The following KCNIP4 variants were observed in gnomAD, a reference collection of about 807,000 sequenced individuals.
KCNIP4 encodes Kv channel-interacting protein 4.
In KCNIP4, 12 loss-of-function variants were observed where a neutral mutation model predicts 34.0. That is an observed-to-expected ratio of 0.35 (90% CI 0.23 to 0.57). The LOEUF is 0.57. Among genes scored for constraint, KCNIP4 ranks in the 20% least tolerant of loss-of-function variants. The pLI is 0.83. For missense variants in KCNIP4, 238 were observed against 311.7 expected, an observed-to-expected ratio of 0.76 and a Z score of 1.78; for synonymous variants, 124 against 102.2, an observed-to-expected ratio of 1.21 and a Z score of -1.29.
chr4:21,208,608 C>T (rs1757015823), intron 1 of KCNIP4, among the ~76,000 whole-genome samples: 1 of 151,986 alleles, frequency 6.6e-6, no homozygotes, highest in Admixed American at 6.6e-5. Context: ...GTCTTTTTTT[C>T]CCCTTCTGCT....
chr4:21,001,499 T>C (rs536643020), intron 1 of KCNIP4, among the ~76,000 whole-genome samples: 1 of 152,280 alleles, frequency 6.6e-6, no homozygotes, highest in East Asian at 1.9e-4. Flanking sequence ...CCCTGCCTAA[T>C]AGAGGAAGGT....
chr4:20,857,027 A>T (rs1721654823), intron 2 of KCNIP4, among the ~76,000 whole-genome samples: 1 of 149,618 alleles, frequency 6.7e-6, no homozygotes, highest in African/African-American at 2.5e-5. Context: ...TGATAGGATG[A>T]TCATCACATG....
chr4:21,153,002 T>C (rs1377211186), intron 1 of KCNIP4, among the ~76,000 whole-genome samples: 1 of 152,178 alleles, frequency 6.6e-6, no homozygotes. Flanking sequence ...CATTCTTTAA[T>C]TTTACAATGG....
At chr4:21,121,949 A>G (rs1750194317) in intron 1 of KCNIP4, among the ~76,000 whole-genome samples, 1 of 152,242 alleles carries the variant, frequency 6.6e-6, no homozygotes, top group South Asian at 2.1e-4. Context: ...ATTTATCAAG[A>G]GGATGAAGTA....
chr4:21,235,110 T>G (rs553549419), intron 1 of KCNIP4, among the ~76,000 whole-genome samples: 2 of 152,298 alleles, frequency 1.3e-5, no homozygotes, highest in East Asian at 3.9e-4. Flanking sequence ...AATCCGTAAC[T>G]AAACATATTT....
chr4:21,308,496 G>A (rs1003325813), intron 1 of KCNIP4, among the ~76,000 whole-genome samples: 3 of 152,112 alleles, frequency 2.0e-5, no homozygotes, highest in Non-Finnish European at 4.4e-5. Flanking sequence ...ACATCCCAAA[G>A]CATCTGAAGC....
chr4:21,352,798 C>T (rs1718151858), intron 1 of KCNIP4, among the ~76,000 whole-genome samples: 1 of 152,190 alleles, frequency 6.6e-6, no homozygotes, highest in African/African-American at 2.4e-5. Context: ...AGCATTTGAG[C>T]TCTGAGAACA....
intron 1 of KCNIP4, among the ~76,000 whole-genome samples, chr4:21,476,570 A>C (rs1465627128): frequency 6.6e-6 from 1 of 152,212 alleles, no homozygotes; most frequent in Non-Finnish European, 1.5e-5. Context: ...TACACCGTCC[A>C]GAACTGTGAG....
intron 1 of KCNIP4, among the ~76,000 whole-genome samples, chr4:21,230,927 A>C (rs1758743685): frequency 6.6e-6 from 1 of 152,134 alleles, no homozygotes; most frequent in Non-Finnish European, 1.5e-5. Flanking sequence ...TAGGTCTTTG[A>C]GGAATCGCCA....
intron 1 of KCNIP4, among the ~76,000 whole-genome samples, chr4:21,239,225 C>A (rs1477834145): frequency 6.9e-6 from 1 of 144,360 alleles, no homozygotes; most frequent in Non-Finnish European, 1.5e-5. Context: ...AAAATTAATT[C>A]AAGATGGATT....
intron 1 of KCNIP4, chr4:21,847,898 C>T (rs1724128619): frequency 6.6e-6 from 1 of 151,940 alleles, no homozygotes; most frequent in African/African-American, 2.4e-5. Flanking sequence ...TGGTCATTAT[C>T]CCTTCACTAG....
chr4:21,327,366 G>T (rs956038592), intron 1 of KCNIP4, among the ~76,000 whole-genome samples: 2 of 152,064 alleles, frequency 1.3e-5, no homozygotes, highest in African/African-American at 4.8e-5. Context: ...AACATGTCAT[G>T]CCAATCTCTC....
intron 1 of KCNIP4, among the ~76,000 whole-genome samples, chr4:21,535,053 C>T (rs535604869): frequency 5.8e-4 from 88 of 152,144 alleles, no homozygotes; most frequent in African/African-American, 2.0e-3. Flanking sequence ...TTCCACTCCA[C>T]TCTACTCCAT....
At chr4:21,545,054 T>C (rs1738021762) in intron 1 of KCNIP4, among the ~76,000 whole-genome samples, 1 of 152,128 alleles carries the variant, frequency 6.6e-6, no homozygotes, top group Non-Finnish European at 1.5e-5. Flanking sequence ...CAGCACAAGA[T>C]ATACATCAAA....
At chr4:20,953,554 C>T (rs1732999995) in intron 1 of KCNIP4, among the ~76,000 whole-genome samples, 1 of 152,002 alleles carries the variant, frequency 6.6e-6, no homozygotes. Context: ...TGATGGTGGA[C>T]ATCTGTGGTC....
chr4:20,778,784 T>C (rs564196224), intron 3 of KCNIP4, among the ~76,000 whole-genome samples: 2 of 152,180 alleles, frequency 1.3e-5, no homozygotes, highest in African/African-American at 2.4e-5. Context: ...AGGGGTTATA[T>C]AGACTGAACT....
At chr4:21,037,982 T>C in intron 1 of KCNIP4, among the ~76,000 whole-genome samples, 1 of 151,488 alleles carries the variant, frequency 6.6e-6, no homozygotes, top group African/African-American at 2.4e-5. Context: ...TTTGTTTGTT[T>C]TTGTTTTTGT....
intron 1 of KCNIP4, among the ~76,000 whole-genome samples, chr4:21,598,257 G>T (rs555795659): frequency 6.6e-6 from 1 of 152,236 alleles, no homozygotes; most frequent in Admixed American, 6.5e-5. Context: ...AGGTTAATCA[G>T]CTAGACCAGC....
intron 1 of KCNIP4, among the ~76,000 whole-genome samples, chr4:21,711,968 T>C (rs749524757): frequency 9.9e-5 from 15 of 152,166 alleles, no homozygotes; most frequent in Admixed American, 4.6e-4. Flanking sequence ...GCAGCATAAG[T>C]ATCACAGCTT....
Sources: allele counts gnomAD v4.1 joint callset (sites outside exome capture counted in the v4.1 genomes callset), GRCh38; gene constraint gnomAD v4.1.1; transcripts MANE v1.5; gene names NCBI Gene and HGNC (gene_info 2026-07-23, HGNC 2026-07-21).